ROBO2: variants seen among roughly 807,000 people sequenced by gnomAD.
The protein encoded by ROBO2 is roundabout guidance receptor 2, also known as roundabout homolog 2.
In ROBO2, 53 loss-of-function variants were observed where a neutral mutation model predicts 160.8. The observed-to-expected ratio is 0.33, with a 90% CI of 0.26 to 0.41. ROBO2 has a LOEUF of 0.41. Ranked by LOEUF, ROBO2 falls within the 10% of genes least tolerant of loss-of-function variation. The pLI is 1.00. For synonymous variants in ROBO2, 664 were observed against 611.7 expected (o/e 1.09, Z -1.26); for missense variants, 1,577 against 1,722.4 (o/e 0.92, Z 1.49).
chr3:76,687,053 CTATT>C (rs1452028156), intron 2 of ROBO2, among the ~76,000 whole-genome samples: 6 of 151,880 alleles, frequency 4.0e-5, no homozygotes, highest in African/African-American at 1.5e-4. Flanking sequence ...TTTCATATAT[CTATT>C]ATTTATCATG....
At chr3:76,119,956 TC>T (rs2070673669) in intron 2 of ROBO2, among the ~76,000 whole-genome samples, 1 of 139,794 alleles carries the variant, frequency 7.2e-6, no homozygotes, top group Non-Finnish European at 1.5e-5. Flanking sequence ...CTTCCTTCCT[TC>T]CTTCCTTCCT....
At chr3:77,041,824 G>A (rs1374333542) in intron 1 of ROBO2, among the ~76,000 whole-genome samples, 1 of 152,000 alleles carries the variant, frequency 6.6e-6, no homozygotes, top group Non-Finnish European at 1.5e-5. Context: ...TAACTGGATT[G>A]CAGTACTTTA....
intron 25 of ROBO2, 92 bp downstream of exon 27, chr3:77,644,996 G>A: frequency 1.5e-6 from 2 of 1,306,648 alleles, no homozygotes; most frequent in South Asian, 2.5e-5. Flanking sequence ...CAGATTAATA[G>A]AAAACTTGCT....
At chr3:76,628,751 A>G (rs373671738) in intron 2 of ROBO2, among the ~76,000 whole-genome samples, 18 of 152,180 alleles carry the variant, frequency 1.2e-4, no homozygotes, top group African/African-American at 4.3e-4. Context: ...ACTCACATCT[A>G]TCAATTCTAC....
At chr3:76,780,668 A>G (rs907958154) in intron 2 of ROBO2, among the ~76,000 whole-genome samples, 3 of 150,830 alleles carry the variant, frequency 2.0e-5, no homozygotes, top group African/African-American at 7.3e-5. Flanking sequence ...AATTTTTCCA[A>G]CACCATTTAC....
At chr3:76,505,387 A>T (rs962199530) in intron 2 of ROBO2, among the ~76,000 whole-genome samples, 1 of 151,690 alleles carries the variant, frequency 6.6e-6, no homozygotes, top group African/African-American at 2.4e-5. Context: ...AAAAAATGCT[A>T]TTAGTATGTG....
At chr3:76,938,735 C>A (rs1298938073) in intron 2 of ROBO2, among the ~76,000 whole-genome samples, 1 of 151,908 alleles carries the variant, frequency 6.6e-6, no homozygotes. Context: ...TTTGGGAGGC[C>A]GAGGCGGGTG....
intron 1 of ROBO2, among the ~76,000 whole-genome samples, chr3:77,042,143 C>T (rs1022841602): frequency 6.6e-6 from 1 of 152,156 alleles, no homozygotes; most frequent in African/African-American, 2.4e-5. Flanking sequence ...AGTACCTTTG[C>T]CCCCCAGCGA....
intron 2 of ROBO2, among the ~76,000 whole-genome samples, chr3:76,167,702 T>C (rs908188763): frequency 1.3e-5 from 2 of 152,192 alleles, no homozygotes; most frequent in Non-Finnish European, 2.9e-5. Flanking sequence ...AGTATTTAGA[T>C]TTTTTACCTA....
rs1371123504 is a variant in ROBO2 at position 77,188,040 on chromosome 3, A to G, written c.388+89700A>G. Among the ~76,000 whole-genome samples the G allele has an allele frequency of 2.1e-5, 3 of 146,250 alleles. No individual in the cohort carries two copies. In the East Asian group the frequency reaches 5.8e-4, roughly 28 times the overall value. On this transcript the variant is annotated intron_variant, in intron 2 of 25. Coordinates refer to ENST00000461745, the Ensembl canonical transcript of ROBO2. The stretch of plus-strand genomic sequence containing the variant: ...TATTTTCAAAGAAGGTGAATGAGTA[A>G]GACCATAATTTTTGTAACATTAAAC...
chr3:77,532,888 T>C (rs1308102822), intron 6 of ROBO2, among the ~76,000 whole-genome samples: 3 of 152,054 alleles, frequency 2.0e-5, no homozygotes, highest in African/African-American at 7.2e-5. Context: ...TGTTTCTGTG[T>C]TTCTTTGAGT....
intron 2 of ROBO2, among the ~76,000 whole-genome samples, chr3:76,609,169 T>C (rs2087886083): frequency 1.3e-5 from 2 of 152,222 alleles, no homozygotes; most frequent in South Asian, 4.1e-4. Flanking sequence ...GAGTTCACTG[T>C]AGGTGTGTGG....
chr3:76,934,601 C>T (rs1377838545), intron 2 of ROBO2, among the ~76,000 whole-genome samples: 1 of 152,046 alleles, frequency 6.6e-6, no homozygotes, highest in Non-Finnish European at 1.5e-5. Flanking sequence ...ATTAGCTGGA[C>T]ATGGTGGTGC....
intron 2 of ROBO2, among the ~76,000 whole-genome samples, chr3:75,991,204 C>G (rs2107512035): frequency 6.6e-6 from 1 of 152,204 alleles, no homozygotes; most frequent in South Asian, 2.1e-4. Flanking sequence ...TGGTAAATTT[C>G]TGTAAAGAAT....
At chr3:76,146,134 A>T (rs2071877023) in intron 2 of ROBO2, among the ~76,000 whole-genome samples, 1 of 151,786 alleles carries the variant, frequency 6.6e-6, no homozygotes, top group Admixed American at 6.6e-5. Flanking sequence ...TGTTGGCAAA[A>T]CTCCAACACT....
chr3:77,256,655 G>C (rs539234668), intron 2 of ROBO2, among the ~76,000 whole-genome samples: 1 of 152,184 alleles, frequency 6.6e-6, no homozygotes, highest in Non-Finnish European at 1.5e-5. Flanking sequence ...TGCTTTATTT[G>C]TGGAGAATAT....
chr3:76,264,974 C>T (rs1296451303), intron 2 of ROBO2, among the ~76,000 whole-genome samples: 1 of 152,104 alleles, frequency 6.6e-6, no homozygotes, highest in Non-Finnish European at 1.5e-5. Flanking sequence ...TTCATTACTC[C>T]AGGGGAGAAA....
At chr3:76,900,085 A>C (rs1414477244) in intron 2 of ROBO2, among the ~76,000 whole-genome samples, 1 of 152,134 alleles carries the variant, frequency 6.6e-6, no homozygotes, top group Non-Finnish European at 1.5e-5. Context: ...TCACAGCTTA[A>C]GTGGATGGCA....
intron 2 of ROBO2, among the ~76,000 whole-genome samples, chr3:76,769,755 G>T (rs568026655): frequency 6.6e-6 from 1 of 151,516 alleles, no homozygotes; most frequent in African/African-American, 2.4e-5. Context: ...ATGTTTCAGT[G>T]TACAGACAGG....
Sources: gnomAD v4.1 joint callset for allele counts (sites outside exome capture counted in the v4.1 genomes callset) on GRCh38, gnomAD v4.1.1 for gene constraint, MANE v1.5 for transcripts, NCBI Gene and HGNC (gene_info 2026-07-23, HGNC 2026-07-21) for gene names.